NCALD: variants seen among roughly 807,000 people sequenced by gnomAD.
NCALD encodes neurocalcin-delta.
A neutral mutation model predicts 18.6 loss-of-function variants in NCALD; 10 were observed. The observed-to-expected ratio is 0.54, with a 90% confidence interval of 0.33 to 0.91. The LOEUF is 0.91. NCALD is among the 40% of genes least tolerant of loss of function. The pLI is 0.03. For missense variants in NCALD, 184 were observed against 247.6 expected, an observed-to-expected ratio of 0.74 and a Z score of 1.72; for synonymous variants, 88 against 87.4, an observed-to-expected ratio of 1.01 and a Z score of -0.04.
intron 1 of NCALD, among the ~76,000 whole-genome samples, chr8:101,770,032 A>G (rs1011275468): frequency 6.6e-6 from 1 of 152,178 alleles, no homozygotes; most frequent in African/African-American, 2.4e-5. Flanking sequence ...ATTGAGCATA[A>G]AGAAAAGAAG....
intron 1 of NCALD, among the ~76,000 whole-genome samples, chr8:102,092,276 C>T (rs1013229073): frequency 6.6e-6 from 1 of 152,250 alleles, no homozygotes; most frequent in African/African-American, 2.4e-5. Context: ...TGATCCACCC[C>T]TTATTTAGCA....
upstream of NCALD, among the ~76,000 whole-genome samples, chr8:101,795,319 C>T (rs570458766): frequency 1.3e-5 from 2 of 152,242 alleles, no homozygotes; most frequent in East Asian, 1.9e-4. Context: ...GCGTCTTATT[C>T]CATTTGGACT....
chr8:101,974,626 C>G (rs537503242), intron 2 of NCALD, among the ~76,000 whole-genome samples: 4 of 152,312 alleles, frequency 2.6e-5, no homozygotes, highest in Admixed American at 2.6e-4. Flanking sequence ...AGCCTAAATG[C>G]TTACATGACT....
At chr8:102,046,165 C>T (rs558259579) in intron 1 of NCALD, among the ~76,000 whole-genome samples, 7 of 152,264 alleles carry the variant, frequency 4.6e-5, no homozygotes, top group Non-Finnish European at 5.9e-5. Flanking sequence ...CTATAAACTC[C>T]GCTTCACCAG....
At chr8:101,775,857 T>G (rs1277777909) in intron 1 of NCALD, among the ~76,000 whole-genome samples, 1 of 152,186 alleles carries the variant, frequency 6.6e-6, no homozygotes, top group African/African-American at 2.4e-5. Context: ...ACTAGCCTAT[T>G]AGGATAACCT....
intron 4 of NCALD, among the ~76,000 whole-genome samples, chr8:101,854,476 C>T (rs868392637): frequency 2.4e-4 from 36 of 152,254 alleles, no homozygotes; most frequent in African/African-American, 8.2e-4. Flanking sequence ...CTTTTTCTCT[C>T]CTACTTGCTG....
At chr8:101,714,768 G>C (rs912988640) in intron 2 of NCALD, among the ~76,000 whole-genome samples, 3 of 150,978 alleles carry the variant, frequency 2.0e-5, no homozygotes, top group African/African-American at 7.4e-5. Flanking sequence ...AGGCCGAGGC[G>C]GGTGGATCAT....
chr8:101,744,333 A>AT (rs1810338341), intron 1 of NCALD, among the ~76,000 whole-genome samples: 1 of 152,178 alleles, frequency 6.6e-6, no homozygotes, highest in Non-Finnish European at 1.5e-5. Flanking sequence ...AAGCAAATAT[A>AT]TTTTTAGCTT....
chr8:102,033,040 G>C (rs969665281), intron 1 of NCALD, among the ~76,000 whole-genome samples: 2 of 152,164 alleles, frequency 1.3e-5, no homozygotes, highest in African/African-American at 4.8e-5. Context: ...TTTGTTCTTA[G>C]GGAAATAAAC....
chr8:101,917,717 A>T (rs55917419), intron 2 of NCALD, among the ~76,000 whole-genome samples: 1,785 of 152,264 alleles, frequency 0.012, 40 homozygotes, highest in African/African-American at 0.041. Context: ...CTAACTAGAA[A>T]ATTTAGAGAA....
chr8:101,765,366 G>GAAT (rs1811303285), intron 1 of NCALD, among the ~76,000 whole-genome samples: 1 of 152,162 alleles, frequency 6.6e-6, no homozygotes, highest in African/African-American at 2.4e-5. Flanking sequence ...TCCAGAGAGA[G>GAAT]AATGCCTTGG....
chr8:101,703,803 C>T (rs1815384666), intron 2 of NCALD, among the ~76,000 whole-genome samples: 1 of 152,178 alleles, frequency 6.6e-6, no homozygotes, highest in South Asian at 2.1e-4. Context: ...ACAGAGAGAA[C>T]TCCAGAGAGC....
intron 1 of NCALD, among the ~76,000 whole-genome samples, chr8:102,075,668 A>T (rs17415702): frequency 0.061 from 9,241 of 152,236 alleles, 409 homozygotes; most frequent in Non-Finnish European, 0.092. Context: ...AAATGTTTCC[A>T]CGTTGGCTAG....
chr8:101,791,495 T>C (rs1242730574), upstream of NCALD, among the ~76,000 whole-genome samples: 1 of 152,076 alleles, frequency 6.6e-6, no homozygotes, highest in Non-Finnish European at 1.5e-5. Flanking sequence ...AGAGTCTACA[T>C]GGATATACTG....
chr8:101,770,207 A>G (rs1342616665), intron 1 of NCALD, among the ~76,000 whole-genome samples: 1 of 152,146 alleles, frequency 6.6e-6, no homozygotes, highest in African/African-American at 2.4e-5. Flanking sequence ...CTGGATACCA[A>G]AATAACCAAT....
intron 1 of NCALD, among the ~76,000 whole-genome samples, chr8:101,749,471 G>A (rs1810561717): frequency 6.6e-6 from 1 of 152,150 alleles, no homozygotes; most frequent in South Asian, 2.1e-4. Flanking sequence ...ATTAATCACA[G>A]ACCAAGATGT....
intron 3 of NCALD, among the ~76,000 whole-genome samples, chr8:101,902,106 A>G (rs560771577): frequency 1.3e-5 from 2 of 152,232 alleles, no homozygotes; most frequent in South Asian, 4.1e-4. Flanking sequence ...TTTTCTCTTG[A>G]TAACACATGT....
At chr8:102,054,730 T>TAGAA (rs1464763660) in intron 1 of NCALD, among the ~76,000 whole-genome samples, 2 of 151,450 alleles carry the variant, frequency 1.3e-5, no homozygotes, top group Non-Finnish European at 2.9e-5. Context: ...ATCCTATAGA[T>TAGAA]AGATAGATAG....
At chr8:101,742,893 A>G (rs1314385021) in intron 1 of NCALD, among the ~76,000 whole-genome samples, 1 of 151,976 alleles carries the variant, frequency 6.6e-6, no homozygotes, top group Non-Finnish European at 1.5e-5. Context: ...CTCATTGTTC[A>G]GCTCCCACCT....
Sources: allele counts gnomAD v4.1 joint callset (sites outside exome capture counted in the v4.1 genomes callset), GRCh38; gene constraint gnomAD v4.1.1; transcripts MANE v1.5; gene names NCBI Gene and HGNC (gene_info 2026-07-23, HGNC 2026-07-21).